Variants in PCLAF observed in about 807,000 individuals in gnomAD.
PCLAF encodes PCNA-associated factor.
PCLAF carries 12 observed loss-of-function variants against 15.1 expected under a neutral mutation model. That is an observed-to-expected ratio of 0.79 (90% CI 0.51 to 1.29). The LOEUF is 1.29. PCLAF is among the 50% of genes most tolerant of loss of function. The pLI, the probability that PCLAF is intolerant of heterozygous loss-of-function variation, is 0.00. For synonymous variants in PCLAF, 33 were observed against 47.1 expected (o/e 0.70, Z 1.22); for missense variants, 116 against 130.9 (o/e 0.89, Z 0.56).
At chr15:64,378,603 C>G (rs1355342894) in intron 2 of PCLAF, among the ~76,000 whole-genome samples, 2 of 152,102 alleles carry the variant, frequency 1.3e-5, no homozygotes, top group Non-Finnish European at 2.9e-5. Context: ...TACAGGAATG[C>G]TTTTACTACT....
chr15:64,378,672 T>C (rs1410012233), intron 2 of PCLAF, among the ~76,000 whole-genome samples: 1 of 151,916 alleles, frequency 6.6e-6, no homozygotes, highest in Non-Finnish European at 1.5e-5. Context: ...CAGCACTTTG[T>C]GAGGCCGAGG....
chr15:64,376,948 A>G, intron 2 of PCLAF, 43 bp from the exon 3 acceptor site: 1 of 1,504,558 alleles, frequency 6.6e-7, no homozygotes, highest in East Asian at 2.3e-5. Flanking sequence ...TGCTAATAAT[A>G]CAATCTCTAT....
chr15:64,382,911 G>C (rs1899859802), upstream of PCLAF: 1 of 198,768 alleles, frequency 5.0e-6, no homozygotes, highest in African/African-American at 2.4e-5. Context: ...AGAATTCCTT[G>C]AACCCGGGAG....
At chr15:64,385,750 TG>T (rs1431281047), upstream of PCLAF, among the ~76,000 whole-genome samples, 1 of 151,876 alleles carries the variant, frequency 6.6e-6, no homozygotes, top group Non-Finnish European at 1.5e-5. Context: ...GTGGACTGAG[TG>T]GGGCAGATCT....
chr15:64,381,248 ACCTCTGGCGTCTGTCGCCCGTGG>A lies in PCLAF; in HGVS notation c.46+55_46+77del, dbSNP rs1224677271. ...AGTTTGGCGCACAGGGCCCAGGGGGACCTCTGGCGTCTGTCGCCCGTGGCCAGGCTGCCGGGAGGACCCCCCCG... is the reference window on the plus strand; with the variant it reads ...AGTTTGGCGCACAGGGCCCAGGGGGACCAGGCTGCCGGGAGGACCCCCCCG... On this transcript the variant is annotated intron_variant, in intron 1 of 3. Transcript: ENST00000300035. The A allele has an allele frequency of 3.3e-6, 5 of 1,518,592 alleles. No individual in the cohort carries two copies. In the Admixed American group the frequency reaches 8.4e-5, roughly 25 times the overall value. The allele number at this position is 1,518,592 out of a possible 1,614,324, so 94.1% of individuals were successfully genotyped here.
At chr15:64,384,541 G>A (rs551922253), upstream of PCLAF, among the ~76,000 whole-genome samples, 206 of 150,950 alleles carry the variant, frequency 1.4e-3, 1 homozygote, top group Middle Eastern at 6.8e-3. Context: ...TCAGGAGTTC[G>A]AGACCAGCCT....
intron 3 of PCLAF, among the ~76,000 whole-genome samples, chr15:64,371,831 T>C (rs1411336594): frequency 6.6e-6 from 1 of 151,540 alleles, no homozygotes; most frequent in East Asian, 2.0e-4. Flanking sequence ...TCCTGGCCTC[T>C]AGTGATCTGC....
chr15:64,367,834 C>T (rs189618685), intron 3 of PCLAF, among the ~76,000 whole-genome samples: 2 of 151,756 alleles, frequency 1.3e-5, no homozygotes, highest in Non-Finnish European at 2.9e-5. Flanking sequence ...AGGCATGAGC[C>T]ACCGTGCCCA....
At chr15:64,383,471 A>G (rs1231567555), upstream of PCLAF, among the ~76,000 whole-genome samples, 1 of 151,790 alleles carries the variant, frequency 6.6e-6, no homozygotes, top group Non-Finnish European at 1.5e-5. Flanking sequence ...GGTTCAAGCA[A>G]TTCTCCTGCC....
intron 3 of PCLAF, among the ~76,000 whole-genome samples, chr15:64,370,243 A>ATTTTTTT (rs879858578): frequency 7.0e-6 from 1 of 141,966 alleles, no homozygotes; most frequent in South Asian, 2.3e-4. Flanking sequence ...TGCCCACCTA[A>ATTTTTTT]TTTTTTTTTT....
chr15:64,384,533 A>C (rs948902108), upstream of PCLAF, among the ~76,000 whole-genome samples: 3 of 151,220 alleles, frequency 2.0e-5, no homozygotes, highest in African/African-American at 7.3e-5. Flanking sequence ...AACTGAGGTC[A>C]GGAGTTCGAG....
At chr15:64,384,096 T>C (rs1026342718), upstream of PCLAF, among the ~76,000 whole-genome samples, 1 of 152,164 alleles carries the variant, frequency 6.6e-6, no homozygotes, top group African/African-American at 2.4e-5. Context: ...TAAGAAAAGT[T>C]ACAGTATGTA....
upstream of PCLAF, chr15:64,381,520 A>G (rs1419807691): frequency 5.9e-6 from 9 of 1,538,318 alleles, no homozygotes; most frequent in South Asian, 1.1e-4. Context: ...CACCGCTCCC[A>G]TTGGTTCCGC....
intron 2 of PCLAF, among the ~76,000 whole-genome samples, chr15:64,380,198 T>C (rs1003358104): frequency 1.3e-5 from 2 of 151,832 alleles, no homozygotes; most frequent in African/African-American, 2.4e-5. Flanking sequence ...CTGGCCAACA[T>C]AGTGAAACCC....
intron 3 of PCLAF, among the ~76,000 whole-genome samples, chr15:64,376,480 G>C (rs1899606429): frequency 6.6e-6 from 1 of 152,118 alleles, no homozygotes; most frequent in Non-Finnish European, 1.5e-5. Context: ...ATGCAAGTTT[G>C]TTATATAGGT....
At chr15:64,377,635 C>A (rs1303999112) in intron 2 of PCLAF, among the ~76,000 whole-genome samples, 1 of 142,910 alleles carries the variant, frequency 7.0e-6, no homozygotes, top group African/African-American at 2.6e-5. Context: ...TTACTAAGGT[C>A]ATTTAGTTAA....
At chr15:64,381,105 C>T (rs1017090035) in intron 1 of PCLAF, 67 bp from the exon 2 acceptor site, 10 of 1,490,096 alleles carry the variant, frequency 6.7e-6, no homozygotes, top group Non-Finnish European at 8.4e-6. Context: ...GTCCTGGACC[C>T]CAGCAGCTTG....
At chr15:64,373,530 C>T (rs924120346) in intron 3 of PCLAF, 1 of 1,220,298 alleles carries the variant, frequency 8.2e-7, no homozygotes, top group African/African-American at 1.6e-5. Context: ...GCAAGCAAGA[C>T]CACAAGGAGA....
intron 3 of PCLAF, among the ~76,000 whole-genome samples, chr15:64,374,017 G>T (rs1899475133): frequency 1.3e-5 from 2 of 151,204 alleles, no homozygotes; most frequent in South Asian, 2.1e-4. Flanking sequence ...AATTTTTCTT[G>T]ATTCTTAAAA....
Sources: allele counts gnomAD v4.1 joint callset (sites outside exome capture counted in the v4.1 genomes callset), GRCh38; gene constraint gnomAD v4.1.1; transcripts MANE v1.5; gene names NCBI Gene and HGNC (gene_info 2026-07-23, HGNC 2026-07-21).